The following SMCO1 variants were observed in gnomAD, a reference collection of about 807,000 sequenced individuals.
SMCO1 encodes single-pass membrane protein with coiled-coil domains 1.
SMCO1 carries 9 observed loss-of-function variants against 7.5 expected under a neutral mutation model. The observed-to-expected ratio is 1.20, with a 90% CI of 0.72 to 2.09. The LOEUF is 2.09. Among genes scored for constraint, SMCO1 ranks in the 30% most tolerant of loss-of-function variants. The probability of loss-of-function intolerance (pLI) is 0.00; values close to 1 mark genes in which losing one functional copy is unlikely to be tolerated. For missense variants in SMCO1, 219 were observed against 253.1 expected (o/e 0.87, Z 0.91); for synonymous variants, 90 against 93.8 (o/e 0.96, Z 0.23).
chr3:196,507,194 C>T lies in SMCO1; in HGVS notation c.*693G>A, dbSNP rs895560891. 5 of 152,182 alleles carry T rather than the reference C, an allele frequency of 3.3e-5. No individual in the cohort carries two copies. Among genetic ancestry groups the T allele is most frequent in the Non-Finnish European group, 7.3e-5 (5 of 68,054 alleles). 9.4% of individuals were successfully genotyped at this position (152,182 alleles called of 1,614,324 possible). A position where few individuals can be genotyped will look rare whatever the true frequency, so the allele number is the denominator to read the frequency against. On this transcript the variant is annotated 3_prime_UTR_variant, in exon 3 of 3. Transcript: ENST00000397537. ...TCATGGATTTATCCAGAACTCATAGCTTGGTTTTCAGGCTTTAGACTGTCC... is the reference window on the plus strand; with the variant it reads ...TCATGGATTTATCCAGAACTCATAGTTTGGTTTTCAGGCTTTAGACTGTCC...
At chr3:196,509,128 C>G (rs1368439589) in intron 2 of SMCO1, among the ~76,000 whole-genome samples, 3 of 148,944 alleles carry the variant, frequency 2.0e-5, no homozygotes, top group Non-Finnish European at 4.5e-5. Flanking sequence ...CGGCTCACTG[C>G]AAGCTCCGCC....
chr3:196,507,492 C>T lies in SMCO1; in HGVS notation c.*395G>A, dbSNP rs955445609. 6.6e-6 allele frequency: 1 copy of T among 152,274 alleles called. No individual in the cohort carries two copies. The highest frequency in any genetic ancestry group is 2.1e-4 in the South Asian group (1 of 4,840). The allele number at this position is 152,274 out of a possible 1,614,324, so 9.4% of individuals were successfully genotyped here. Reference sequence around the variant, plus strand: ...TGAAAAGACTTCCTCTTGTCTTTGACCCCTAGCCTCTTAGCTTTCTTTCCT... The same window carrying T: ...TGAAAAGACTTCCTCTTGTCTTTGATCCCTAGCCTCTTAGCTTTCTTTCCT... On this transcript the variant is annotated 3_prime_UTR_variant, in exon 3 of 3. Transcript: ENST00000397537.
upstream of SMCO1, among the ~76,000 whole-genome samples, chr3:196,515,987 GGAT>G (rs1560286030): frequency 0.021 from 178 of 8,500 alleles, 2 homozygotes; most frequent in African/African-American, 0.18. Context: ...CAAGAGGATA[GGAT>G]ATATATATAT....
chr3:196,520,083 G>A (rs985629678), upstream of SMCO1, among the ~76,000 whole-genome samples: 3 of 152,254 alleles, frequency 2.0e-5, no homozygotes, highest in African/African-American at 7.2e-5. Context: ...ATTCTAAAAC[G>A]CTGGGACTTC....
In SMCO1 at chr3:196,508,335, C is replaced by T. The variant is rs936778854; in HGVS notation, c.201-4G>A. On this transcript the variant is annotated splice_region_variant and splice_polypyrimidine_tract_variant and intron_variant, in intron 2 of 2. Transcript: ENST00000397537. ...ATTCAATTCCATTGAAGTGAGCCTACAAAAAATATGGAGAGCTTCTTAAGC... is the reference window on the plus strand; with the variant it reads ...ATTCAATTCCATTGAAGTGAGCCTATAAAAAATATGGAGAGCTTCTTAAGC... 1.3e-5 allele frequency: 20 copies of T among 1,578,516 alleles called. No individual in the cohort carries two copies. The highest frequency in any genetic ancestry group is 1.7e-5 in the Non-Finnish European group (20 of 1,164,136).
rs1733088041 is a variant in SMCO1, at chr3:196,507,824, T to C, written c.*63A>G. ...AAATAAGACTATAATAAATTGTGCA[T>C]ACTTTTTGCTGTTTCCAAGATAAAT... On this transcript the variant is annotated 3_prime_UTR_variant, in exon 3 of 3. Coordinates refer to ENST00000397537, the MANE Select transcript of SMCO1 (RefSeq NM_001077657.3). 2.1e-6 allele frequency: 2 copies of C among 965,108 alleles called. No individual in the cohort carries two copies. Among genetic ancestry groups the C allele is most frequent in the African/African-American group, 1.7e-5 (1 of 60,580 alleles). The allele number at this position is 965,108 out of a possible 1,614,324, so 59.8% of individuals were successfully genotyped here. A position where few individuals can be genotyped will look rare whatever the true frequency, so the allele number is the denominator to read the frequency against.
At position 196,507,957 on chromosome 3, in the gene SMCO1, C is replaced by T; in HGVS notation, c.575G>A (p.Gly192Glu). 3 of 1,614,112 alleles carry T rather than the reference C, an allele frequency of 1.9e-6. No homozygotes were observed. The highest frequency in any genetic ancestry group is 2.5e-6 in the Non-Finnish European group (3 of 1,180,026). Residue 192 changes from glycine to glutamate, a missense_variant, in exon 3 of 3, where the codon GGG becomes GAG. Transcript: ENST00000397537. ...LLRAVQVIEK[G>E]KAVRTPEKQK... is the part of the protein sequence containing the mutation. ...CTTTTCAGGGGTCCTAACTGCTTTCCCCTTCTCAATTACCTGCACAGCCCT... is the reference window on the plus strand; with the variant it reads ...CTTTTCAGGGGTCCTAACTGCTTTCTCCTTCTCAATTACCTGCACAGCCCT...
At chr3:196,520,269 C>T (rs896233803), upstream of SMCO1, among the ~76,000 whole-genome samples, 1 of 152,172 alleles carries the variant, frequency 6.6e-6, no homozygotes, top group African/African-American at 2.4e-5. Flanking sequence ...CCCCTATGTA[C>T]AGGCTTTCTC....
upstream of SMCO1, among the ~76,000 whole-genome samples, chr3:196,516,020 T>TAG (rs1560286111): frequency 7.6e-5 from 9 of 117,888 alleles, no homozygotes; most frequent in African/African-American, 3.1e-4. Flanking sequence ...TATATATATA[T>TAG]ATATATATAT....
chr3:196,507,063 G>T lies in SMCO1; in HGVS notation c.*824C>A, dbSNP rs1733063960. On this transcript the variant is annotated 3_prime_UTR_variant, in exon 3 of 3. Transcript: ENST00000397537. Reference sequence around the variant, plus strand: ...GCACCATTCAGAAATAGGCACGATAGTGTAGAGGACCAATCGCGGAAGGGT... The same window carrying T: ...GCACCATTCAGAAATAGGCACGATATTGTAGAGGACCAATCGCGGAAGGGT... 6.6e-6 allele frequency: 1 copy of T among 152,244 alleles called. No homozygotes were observed. The highest frequency in any genetic ancestry group is 2.1e-4 in the South Asian group (1 of 4,826). The allele number at this position is 152,244 out of a possible 1,614,324, so 9.4% of individuals were successfully genotyped here.
chr3:196,520,023 C>G (rs111294999), upstream of SMCO1, among the ~76,000 whole-genome samples: 1,877 of 152,292 alleles, frequency 0.012, 35 homozygotes, highest in African/African-American at 0.043. Flanking sequence ...TCTCACTTCT[C>G]TTTCTAGATG....
In SMCO1 at chr3:196,508,077, T is replaced by C. The variant is rs749466976; in HGVS notation, c.455A>G (p.His152Arg). 5 of 1,614,194 alleles carry C rather than the reference T, an allele frequency of 3.1e-6. No individual in the cohort carries two copies. Among genetic ancestry groups the C allele is most frequent in the Admixed American group, 3.3e-5 (2 of 60,026 alleles). Residue 152 changes from histidine to arginine, a missense_variant, in exon 3 of 3, where the codon CAC becomes CGC. Physicochemically the swap from His to Arg is conservative, Grantham distance 29. Transcript: ENST00000397537. ...CATCTGCCTCACTTTAGCAGTATAG[T>C]GTTCTGCCTTGTTACCACGTGCAAT... ...FFIARGNKAEHYTAKVRQMYI... is the reference protein window; with the variant it reads ...FFIARGNKAERYTAKVRQMYI...
chr3:196,509,216 A>AT (rs35933912), intron 2 of SMCO1, among the ~76,000 whole-genome samples: 3,534 of 107,976 alleles, frequency 0.033, 196 homozygotes, highest in African/African-American at 0.11. Flanking sequence ...CACCCGGCTA[A>AT]TTTTTTTTTT....
At chr3:196,514,589 C>A (rs1733333197) in intron 1 of SMCO1, among the ~76,000 whole-genome samples, 1 of 152,206 alleles carries the variant, frequency 6.6e-6, no homozygotes, top group South Asian at 2.1e-4. Context: ...AGGCTGTGAG[C>A]TCCTTGAGGG....
intron 1 of SMCO1, among the ~76,000 whole-genome samples, chr3:196,512,440 A>C (rs1472835909): frequency 1.3e-5 from 2 of 151,788 alleles, no homozygotes; most frequent in East Asian, 3.9e-4. Context: ...CTTGGTCCTA[A>C]ATTTCTCCCT....
chr3:196,512,082 A>G (rs1056270909), intron 1 of SMCO1, among the ~76,000 whole-genome samples: 75 of 139,320 alleles, frequency 5.4e-4, no homozygotes, highest in African/African-American at 1.4e-3. Flanking sequence ...TGCCTGGGCC[A>G]CCTAGATTGT....
upstream of SMCO1, among the ~76,000 whole-genome samples, chr3:196,518,009 C>T (rs2108665715): frequency 6.6e-6 from 1 of 152,348 alleles, no homozygotes; most frequent in East Asian, 1.9e-4. Flanking sequence ...TATGTAAATG[C>T]TGGTGGCTAA....
chr3:196,513,366 C>T (rs917492069), intron 1 of SMCO1, among the ~76,000 whole-genome samples: 3 of 151,724 alleles, frequency 2.0e-5, no homozygotes, highest in African/African-American at 4.8e-5. Context: ...TGCAGTGGCT[C>T]ACGCCTGTAA....
chr3:196,514,637 T>C (rs1473626401), intron 1 of SMCO1, among the ~76,000 whole-genome samples: 1 of 152,228 alleles, frequency 6.6e-6, no homozygotes, highest in East Asian at 1.9e-4. Context: ...AAATCTAGGA[T>C]TTAGCATATG....
Sources: gnomAD v4.1 joint callset for allele counts (sites outside exome capture counted in the v4.1 genomes callset) on GRCh38, gnomAD v4.1.1 for gene constraint, MANE v1.5 for transcripts, NCBI Gene and HGNC (gene_info 2026-07-23, HGNC 2026-07-21) for gene names.